The following WNT7B variants were observed in gnomAD, a reference collection of about 807,000 sequenced individuals.
WNT7B encodes the protein Wnt family member 7B.
WNT7B carries 19 observed loss-of-function variants against 38.2 expected under a neutral mutation model. The observed-to-expected ratio is 0.50, with a 90% confidence interval of 0.35 to 0.73. The LOEUF is 0.73. Ranked by LOEUF, WNT7B falls within the 30% of genes least tolerant of loss-of-function variation. WNT7B has a pLI of 0.01. For missense variants in WNT7B, 423 were observed against 507.9 expected, an observed-to-expected ratio of 0.83 and a Z score of 1.61; for synonymous variants, 243 against 209.3, an observed-to-expected ratio of 1.16 and a Z score of -1.39.
rs147161118 is a variant in WNT7B at position 45,936,544 on chromosome 22, C to T, written c.299-5175G>A. 4.2e-3 allele frequency among the ~76,000 whole-genome samples: 644 copies of T among 152,370 alleles called. 3 individuals carry two copies. Among genetic ancestry groups the T allele is most frequent in the Admixed American group, 7.8e-3 (120 of 15,306 alleles). ...ATGGAGGCTGCTGGGTCAGAAATTG[C>T]CTGGCCATGCAAGGGCCATCCAGCT... On this transcript the variant is annotated intron_variant, in intron 2 of 3. Transcript: ENST00000339464.
chr22:45,963,374 C>A (rs768214190), intron 1 of WNT7B, among the ~76,000 whole-genome samples: 15 of 152,184 alleles, frequency 9.9e-5, no homozygotes, highest in Non-Finnish European at 1.9e-4. Context: ...CCAGAGTGCC[C>A]ACTTCCCCAG....
chr22:45,957,654 G>C (rs2146741139), intron 1 of WNT7B, among the ~76,000 whole-genome samples: 1 of 118,672 alleles, frequency 8.4e-6, no homozygotes, highest in Non-Finnish European at 1.6e-5. Flanking sequence ...CTGCACTCCA[G>C]CCTGCGTGAG....
In WNT7B at chr22:45,968,029, C is replaced by G. The variant is rs544798651; in HGVS notation, c.71+8655G>C. ...GATCCAAGGTGACCTTGGGAAACAG[C>G]CTCTTCTCTGGATCCTGGCATCCCA... On this transcript the variant is annotated intron_variant, in intron 1 of 3. Coordinates refer to ENST00000339464, the MANE Select transcript of WNT7B (RefSeq NM_058238.3). Among the ~76,000 whole-genome samples the G allele has an allele frequency of 2.6e-5, 4 of 152,244 alleles. No homozygotes were observed. The East Asian group carries it at 5.8e-4, about 22-fold the overall frequency.
chr22:45,930,576 A>G (rs1462645174), intron 3 of WNT7B, among the ~76,000 whole-genome samples: 1 of 150,770 alleles, frequency 6.6e-6, no homozygotes, highest in East Asian at 2.0e-4. Context: ...CACCCACCAC[A>G]CTCCGTCCCG....
intron 1 of WNT7B, among the ~76,000 whole-genome samples, chr22:45,967,859 A>G (rs10453441): frequency 0.4 from 61,439 of 151,912 alleles, 12,767 homozygotes; most frequent in East Asian, 0.69. Flanking sequence ...CTCGCCCCCC[A>G]TCAGCACCTC....
At chr22:45,961,386 G>T (rs186390430) in intron 1 of WNT7B, among the ~76,000 whole-genome samples, 6 of 152,286 alleles carry the variant, frequency 3.9e-5, no homozygotes, top group East Asian at 1.9e-4. Context: ...TTACACCTGT[G>T]GGGGAGGGAC....
intron 1 of WNT7B, among the ~76,000 whole-genome samples, chr22:45,971,958 G>A (rs763866697): frequency 6.6e-6 from 1 of 152,300 alleles, no homozygotes; most frequent in African/African-American, 2.4e-5. Context: ...TCTCACTGCC[G>A]TAGCTGCCCG....
intron 2 of WNT7B, chr22:45,935,854 C>T (rs1569114300): frequency 4.1e-6 from 4 of 985,196 alleles, no homozygotes; most frequent in Non-Finnish European, 4.8e-6. Flanking sequence ...CAGCAGCTGC[C>T]CTAGATGTGT....
chr22:45,961,616 G>T (rs1170916875), intron 1 of WNT7B, among the ~76,000 whole-genome samples: 2 of 151,648 alleles, frequency 1.3e-5, no homozygotes, highest in Non-Finnish European at 2.9e-5. Flanking sequence ...ACAGGGAGCT[G>T]GGCAGGTGGG....
chr22:45,968,949 C>T (rs1932369418), intron 1 of WNT7B, among the ~76,000 whole-genome samples: 1 of 152,212 alleles, frequency 6.6e-6, no homozygotes, highest in Non-Finnish European at 1.5e-5. Context: ...CAGCAGAGCC[C>T]CTCCCAGACC....
rs998587236 is a variant in WNT7B, at chr22:45,976,583, TGGCCCCCTCC to T, written c.71+91_71+100del. ...AGCCCCGGAGCCCAGAGAGCTGCAG[TGGCCCCCTCC>T]AGTCCCCACGTCCCCACGGGGACGC... On this transcript the variant is annotated intron_variant, in intron 1 of 3. Coordinates refer to ENST00000339464, the MANE Select transcript of WNT7B (RefSeq NM_058238.3). This position sits in a 1 kb window ranked among gnomAD's most constrained non-coding sequence, Gnocchi z 8.5. 30 of 1,288,458 alleles carry T rather than the reference TGGCCCCCTCC, an allele frequency of 2.3e-5. No individual in the cohort carries two copies. The African/African-American group carries it at 3.7e-4, about 16-fold the overall frequency. 79.8% of individuals were successfully genotyped at this position (1,288,458 alleles called of 1,614,324 possible). A position where few individuals can be genotyped will look rare whatever the true frequency, so the allele number is the denominator to read the frequency against.
intron 1 of WNT7B, among the ~76,000 whole-genome samples, chr22:45,968,595 C>G (rs1297221035): frequency 6.6e-6 from 1 of 152,204 alleles, no homozygotes; most frequent in Non-Finnish European, 1.5e-5. Flanking sequence ...AGTCCAGCGT[C>G]ACCCCAGGAC....
chr22:45,941,465 C>T (rs1033985294), intron 2 of WNT7B, among the ~76,000 whole-genome samples: 1 of 149,096 alleles, frequency 6.7e-6, no homozygotes. Context: ...GAGCTGAGAT[C>T]GCGTCAGTGC....
chr22:45,933,009 G>A (rs1056086172), intron 2 of WNT7B, among the ~76,000 whole-genome samples: 21 of 152,236 alleles, frequency 1.4e-4, no homozygotes, highest in African/African-American at 5.1e-4. Flanking sequence ...CTTTGTGCTA[G>A]GGGCTGTGTG....
chr22:45,976,682 A>G lies in WNT7B; in HGVS notation c.71+2T>C. On this transcript the variant is annotated splice_donor_variant, in intron 1 of 3. Transcript: ENST00000339464. LOFTEE classifies it high-confidence loss of function. The surrounding 1 kb of genome is among the most constrained non-coding windows in gnomAD (Gnocchi z 8.5). The stretch of plus-strand genomic sequence containing the variant: ...TGCTGCCCTCGCCCACGGGGTACTC[A>G]CCCGAGCTTCACGTACAGGACGCCA... The G allele has an allele frequency of 6.2e-7, 1 of 1,607,464 alleles. No individual in the cohort carries two copies. The highest frequency in any genetic ancestry group is 2.2e-5 in the East Asian group (1 of 44,506).
At chr22:45,961,640 C>A (rs1165103967) in intron 1 of WNT7B, among the ~76,000 whole-genome samples, 2 of 135,242 alleles carry the variant, frequency 1.5e-5, no homozygotes, top group East Asian at 4.4e-4. Flanking sequence ...TGGGCAAGGA[C>A]GGGGCTGGGG....
At chr22:45,933,535 G>A (rs1931432792) in intron 2 of WNT7B, among the ~76,000 whole-genome samples, 1 of 151,988 alleles carries the variant, frequency 6.6e-6, no homozygotes, top group Non-Finnish European at 1.5e-5. Context: ...GGGCCCACTG[G>A]CAAGAAAGCC....
chr22:45,969,032 G>A (rs953534463), intron 1 of WNT7B, among the ~76,000 whole-genome samples: 1 of 152,210 alleles, frequency 6.6e-6, no homozygotes, highest in African/African-American at 2.4e-5. Flanking sequence ...CTGAGCCACG[G>A]GGCGCATCCT....
At chr22:45,941,402 T>G (rs1386143409) in intron 2 of WNT7B, among the ~76,000 whole-genome samples, 2 of 150,544 alleles carry the variant, frequency 1.3e-5, no homozygotes, top group African/African-American at 5.0e-5. Flanking sequence ...TCCCAGCTAC[T>G]CGGGAAGCTG....
Sources: allele counts gnomAD v4.1 joint callset (sites outside exome capture counted in the v4.1 genomes callset), GRCh38; gene constraint gnomAD v4.1.1; non-coding constraint Gnocchi (gnomAD v3.1); transcripts MANE v1.5; gene names NCBI Gene and HGNC (gene_info 2026-07-23, HGNC 2026-07-21).